Variants in SLC4A4 observed in about 807,000 individuals in gnomAD.
SLC4A4 encodes the protein electrogenic sodium bicarbonate cotransporter 1.
A neutral mutation model predicts 111.5 loss-of-function variants in SLC4A4; 27 were observed. The observed-to-expected ratio is 0.24, with a 90% CI of 0.18 to 0.33. The LOEUF is 0.33. Among genes scored for constraint, SLC4A4 ranks in the 10% least tolerant of loss-of-function variants. The pLI is 1.00. For missense variants in SLC4A4, 909 were observed against 1,315.5 expected (o/e 0.69, Z 4.78); for synonymous variants, 443 against 463.4 (o/e 0.96, Z 0.57).
chr4:71,346,443 A>G (rs773730274), intron 4 of SLC4A4, among the ~76,000 whole-genome samples: 5 of 151,686 alleles, frequency 3.3e-5, no homozygotes, highest in Non-Finnish European at 7.4e-5. Flanking sequence ...GGCTTTTAGT[A>G]TACTATTGCA....
chr4:71,542,813 C>A (rs959937762), intron 18 of SLC4A4, among the ~76,000 whole-genome samples: 2 of 152,214 alleles, frequency 1.3e-5, no homozygotes, highest in African/African-American at 4.8e-5. Flanking sequence ...TTCCAGTAAA[C>A]CACTGGAGGG....
At chr4:71,481,373 A>C (rs982476502) in intron 14 of SLC4A4, among the ~76,000 whole-genome samples, 2 of 151,670 alleles carry the variant, frequency 1.3e-5, no homozygotes, top group African/African-American at 4.8e-5. Flanking sequence ...AAAGCAGAGG[A>C]GCCATGGGGT....
intron 2 of SLC4A4, among the ~76,000 whole-genome samples, chr4:71,180,250 G>A (rs936296009): frequency 6.6e-5 from 10 of 152,046 alleles, no homozygotes; most frequent in Admixed American, 4.6e-4. Flanking sequence ...TAAAAACCCT[G>A]GAAGAAAACC....
chr4:71,168,831 A>G (rs1468771006), intron 2 of SLC4A4, among the ~76,000 whole-genome samples: 1 of 152,090 alleles, frequency 6.6e-6, no homozygotes, highest in Non-Finnish European at 1.5e-5. Flanking sequence ...GTGTATATGT[A>G]CCACACTTTA....
chr4:71,241,884 C>T (rs1720261728), intron 2 of SLC4A4, among the ~76,000 whole-genome samples: 1 of 152,198 alleles, frequency 6.6e-6, no homozygotes, highest in Non-Finnish European at 1.5e-5. Flanking sequence ...CCTTTCCCAG[C>T]TTCCTGCTCC....
At chr4:71,314,972 A>T (rs1033553412) in intron 3 of SLC4A4, among the ~76,000 whole-genome samples, 9 of 152,154 alleles carry the variant, frequency 5.9e-5, no homozygotes, top group Admixed American at 4.6e-4. Flanking sequence ...CAATAACCTG[A>T]TAGAATTACA....
intron 3 of SLC4A4, among the ~76,000 whole-genome samples, chr4:71,264,535 G>A (rs1455372668): frequency 1.3e-5 from 2 of 152,048 alleles, no homozygotes; most frequent in African/African-American, 2.4e-5. Context: ...AGCTGTGTTC[G>A]TTCAAAGCTG....
intron 3 of SLC4A4, among the ~76,000 whole-genome samples, chr4:71,297,585 CTTTT>C (rs112132682): frequency 8.7e-6 from 1 of 115,048 alleles, no homozygotes; most frequent in African/African-American, 3.5e-5. Context: ...ATTGGTGAAT[CTTTT>C]TTTTTTTTTT....
intron 12 of SLC4A4, among the ~76,000 whole-genome samples, chr4:71,458,103 G>C (rs1160092765): frequency 6.6e-6 from 1 of 151,898 alleles, no homozygotes; most frequent in African/African-American, 2.4e-5. Flanking sequence ...TATATTCTTG[G>C]TTGCCAAACA....
At chr4:71,075,809 C>A (rs1401479289) in intron 1 of SLC4A4, among the ~76,000 whole-genome samples, 1 of 151,830 alleles carries the variant, frequency 6.6e-6, no homozygotes, top group Non-Finnish European at 1.5e-5. Context: ...ACTAAAAATA[C>A]AAAAATTAGC....
rs938615211 is a variant in SLC4A4, at chr4:71,099,700, C to A, written c.-2+6908C>A. ...TGAGATTGATAGGCTATTAGCTAGA[C>A]AAATAAAGAAGAAAAGAGAGACGAT... On this transcript the variant is annotated intron_variant, in intron 2 of 26. Transcript: ENST00000649996. Among the ~76,000 whole-genome samples, 7 of 151,906 alleles carry A rather than the reference C, an allele frequency of 4.6e-5. No homozygotes were observed. The East Asian group carries it at 7.7e-4, about 17-fold the overall frequency.
chr4:71,511,251 C>T (rs568293838), intron 16 of SLC4A4, among the ~76,000 whole-genome samples: 1 of 152,218 alleles, frequency 6.6e-6, no homozygotes, highest in South Asian at 2.1e-4. Context: ...TTAGAATCCT[C>T]TTCTTTTACC....
At chr4:71,420,001 C>T (rs1051285156) in intron 7 of SLC4A4, among the ~76,000 whole-genome samples, 8 of 152,210 alleles carry the variant, frequency 5.3e-5, no homozygotes, top group East Asian at 1.9e-4. Flanking sequence ...ATGACTTTGA[C>T]GAGTTGAGAG....
chr4:71,252,783 C>CT (rs1313555730), intron 2 of SLC4A4, among the ~76,000 whole-genome samples: 1 of 152,082 alleles, frequency 6.6e-6, no homozygotes, highest in South Asian at 2.1e-4. Flanking sequence ...TATGAGGGAT[C>CT]TTTTTGGATT....
intron 8 of SLC4A4, among the ~76,000 whole-genome samples, chr4:71,441,128 T>G (rs941281636): frequency 9.2e-5 from 14 of 152,192 alleles, no homozygotes; most frequent in Non-Finnish European, 1.8e-4. Context: ...AGTAAATGGT[T>G]CAGAGGTCAT....
chr4:71,116,310 G>A (rs764351216), intron 2 of SLC4A4, among the ~76,000 whole-genome samples: 4 of 152,170 alleles, frequency 2.6e-5, no homozygotes, highest in Non-Finnish European at 5.9e-5. Context: ...TTGTCAACAC[G>A]TTTAAGTCCA....
chr4:71,246,920 C>T (rs934065431), intron 2 of SLC4A4, among the ~76,000 whole-genome samples: 7 of 151,990 alleles, frequency 4.6e-5, no homozygotes, highest in Non-Finnish European at 1.0e-4. Flanking sequence ...GAGGCTGAAC[C>T]GGTTAAAGTG....
In SLC4A4 at chr4:71,546,441, C is replaced by T; in HGVS notation, c.2534C>T (p.Thr845Met). 6.2e-7 allele frequency: 1 copy of T among 1,612,708 alleles called. No individual in the cohort carries two copies. The highest frequency in any genetic ancestry group is 8.5e-7 in the Non-Finnish European group (1 of 1,179,054). The change falls in exon 19 of 26, where the codon ACG (threonine) becomes ATG (methionine). Residue 845 changes from threonine to methionine, a missense_variant. Coordinates refer to ENST00000264485, the MANE Select transcript of SLC4A4 (RefSeq NM_001098484.3). ...LMALPWYVAA[T>M]VISIAHIDSL... ...GCTCTTCCGTGGTATGTAGCTGCTA[C>T]GGTCATCTCCATTGCTCACATCGAC... is the stretch of plus-strand genomic sequence containing the variant.
chr4:71,358,708 T>C (rs940475541), intron 6 of SLC4A4, among the ~76,000 whole-genome samples: 2 of 151,234 alleles, frequency 1.3e-5, no homozygotes, highest in Non-Finnish European at 3.0e-5. Context: ...CTCCCCTGGC[T>C]TTTTTTTTGT....
Sources: gnomAD v4.1 joint callset for allele counts (sites outside exome capture counted in the v4.1 genomes callset) on GRCh38, gnomAD v4.1.1 for gene constraint, MANE v1.5 for transcripts, NCBI Gene and HGNC (gene_info 2026-07-23, HGNC 2026-07-21) for gene names.